The following ANKIB1 variants were observed in gnomAD, a reference collection of about 807,000 sequenced individuals.
ANKIB1 encodes the protein ankyrin repeat and IBR domain containing 1.
A neutral mutation model predicts 122.1 loss-of-function variants in ANKIB1; 43 were observed. The ratio of observed to expected loss-of-function variants is 0.35; its 90% CI spans 0.28 to 0.45. The LOEUF (loss-of-function observed/expected upper bound fraction) is 0.45. ANKIB1 is among the 20% of genes least tolerant of loss of function. ANKIB1 has a pLI of 1.00. For missense variants in ANKIB1, 992 were observed against 1,329.5 expected, an observed-to-expected ratio of 0.75 and a Z score of 3.95; for synonymous variants, 390 against 442.0, an observed-to-expected ratio of 0.88 and a Z score of 1.48.
rs376390603 is a variant in ANKIB1 at position 92,314,372 on chromosome 7, T to C, written c.487-4958T>C. 2.6e-5 allele frequency among the ~76,000 whole-genome samples: 4 copies of C among 152,170 alleles called. 1 individual carries two copies. ...AGCAAATATGATGAGATTAGCCTGA[T>C]GGTTGTAATGTACAATAGATTTGAA... On this transcript the variant is annotated intron_variant, in intron 3 of 19. Coordinates refer to ENST00000265742, the MANE Select transcript of ANKIB1 (RefSeq NM_019004.2).
chr7:92,367,766 A>AT (rs368174840), intron 10 of ANKIB1, among the ~76,000 whole-genome samples: 10 of 152,354 alleles, frequency 6.6e-5, no homozygotes, highest in African/African-American at 2.4e-4. Flanking sequence ...GAATGGTTAT[A>AT]TTTTTTATGA....
At chr7:92,371,363 T>C (rs1160167556) in intron 10 of ANKIB1, 114 bp from the exon 11 acceptor site, 1 of 878,262 alleles carries the variant, frequency 1.1e-6, no homozygotes, top group East Asian at 2.7e-5. Context: ...AGAAAATAAA[T>C]ATTTTATTAA....
chr7:92,394,323 G>A (rs1804843494), intron 17 of ANKIB1, among the ~76,000 whole-genome samples: 1 of 152,030 alleles, frequency 6.6e-6, no homozygotes, highest in Admixed American at 6.6e-5. Flanking sequence ...CAAACCATTT[G>A]GAGTATACTG....
chr7:92,319,518 T>C lies in ANKIB1; in HGVS notation c.669+6T>C. 6.3e-7 allele frequency: 1 copy of C among 1,590,452 alleles called. No homozygotes were observed. Among genetic ancestry groups the C allele is most frequent in the Non-Finnish European group, 8.5e-7 (1 of 1,174,346 alleles). On this transcript the variant is annotated splice_donor_region_variant and intron_variant, in intron 4 of 19. Coordinates refer to ENST00000265742, the MANE Select transcript of ANKIB1 (RefSeq NM_019004.2). ...CTGCATTAGACAAACGAGAGGTCAG[T>C]TTATTTTTTCTTCTCAGTAAAAAAA... is the stretch of plus-strand genomic sequence containing the variant.
chr7:92,326,809 TA>T (rs900425512), intron 4 of ANKIB1, among the ~76,000 whole-genome samples: 144 of 146,354 alleles, frequency 9.8e-4, no homozygotes, highest in African/African-American at 1.4e-3. Context: ...AACTTTCCTT[TA>T]AAAAAAAAAA....
At chr7:92,393,326 A>C (rs201112442) in intron 17 of ANKIB1, among the ~76,000 whole-genome samples, 1 of 152,070 alleles carries the variant, frequency 6.6e-6, no homozygotes, top group African/African-American at 2.4e-5. Flanking sequence ...TTTTAAATTC[A>C]CTTAAATTGT....
chr7:92,256,211 G>A (rs1801442005), intron 1 of ANKIB1, among the ~76,000 whole-genome samples: 1 of 152,170 alleles, frequency 6.6e-6, no homozygotes, highest in Admixed American at 6.5e-5. Flanking sequence ...AGTGGGCAGG[G>A]CTGAGTTATA....
At chr7:92,309,934 A>ATATATATATATATATATATATATAT in intron 3 of ANKIB1, among the ~76,000 whole-genome samples, 2 of 115,650 alleles carry the variant, frequency 1.7e-5, no homozygotes, top group African/African-American at 7.4e-5. Flanking sequence ...AAAAAAAAAA[A>ATATATATATATATATATATATATAT]AAAAAAAAAT....
At chr7:92,343,462 C>T (rs1472906908) in intron 6 of ANKIB1, among the ~76,000 whole-genome samples, 1 of 152,054 alleles carries the variant, frequency 6.6e-6, no homozygotes, top group African/African-American at 2.4e-5. Context: ...TTCCTCATTT[C>T]CAAACAGAGA....
chr7:92,324,509 C>T (rs1437366944), intron 4 of ANKIB1, among the ~76,000 whole-genome samples: 1 of 152,346 alleles, frequency 6.6e-6, no homozygotes, highest in African/African-American at 2.4e-5. Context: ...GCTGGGATTA[C>T]AGGCGTGAGC....
chr7:92,389,891 GA>G (rs755423902), intron 14 of ANKIB1, 79 bp from the exon 15 acceptor site: 136 of 1,420,236 alleles, frequency 9.6e-5, no homozygotes, highest in South Asian at 1.3e-4. Context: ...CCTTTTTTGA[GA>G]AAAAAAATCA....
chr7:92,308,580 C>G (rs1802616000), intron 3 of ANKIB1, among the ~76,000 whole-genome samples: 1 of 152,012 alleles, frequency 6.6e-6, no homozygotes, highest in Non-Finnish European at 1.5e-5. Flanking sequence ...TGAATACATA[C>G]TGTATTATAC....
intron 10 of ANKIB1, among the ~76,000 whole-genome samples, chr7:92,369,020 A>T (rs537572241): frequency 1.3e-5 from 2 of 152,332 alleles, no homozygotes; most frequent in East Asian, 1.9e-4. Context: ...AGTGCCTCTG[A>T]GCTAACAATA....
Position 92,387,977 on chromosome 7 carries a change from A to G in ANKIB1, c.1842A>G (p.Leu614=). The G allele has an allele frequency of 6.3e-7, 1 of 1,587,508 alleles. No homozygotes were observed. The highest frequency in any genetic ancestry group is 2.3e-5 in the East Asian group (1 of 43,806). Residue 614 remains leucine, a splice_region_variant and synonymous_variant, in exon 14 of 20, where the codon CTA becomes CTG. Transcript: ENST00000265742. ...ATTCTTTATTTCTATTCCTTTAGCT[A>G]GAACAACGCCTTCTTAAAACAGCCA... ...RFKNHEHSYQ[L]EQRLLKTAKE...
At chr7:92,388,272 AT>A (rs1804710199) in intron 14 of ANKIB1, among the ~76,000 whole-genome samples, 1 of 152,200 alleles carries the variant, frequency 6.6e-6, no homozygotes, top group African/African-American at 2.4e-5. Flanking sequence ...GTGTTATGAG[AT>A]AAAAACACTT....
chr7:92,366,903 C>T (rs1562794271), intron 10 of ANKIB1, among the ~76,000 whole-genome samples: 1 of 152,084 alleles, frequency 6.6e-6, no homozygotes, highest in Non-Finnish European at 1.5e-5. Flanking sequence ...TTATCCCTTA[C>T]CATATTAAAA....
At chr7:92,388,256 C>A (rs748438147) in intron 14 of ANKIB1, among the ~76,000 whole-genome samples, 1 of 152,120 alleles carries the variant, frequency 6.6e-6, no homozygotes, top group East Asian at 1.9e-4. Flanking sequence ...CTTGATGCAG[C>A]CTGTGGTGTT....
At chr7:92,246,883 A>G (rs1452055807) in intron 1 of ANKIB1, among the ~76,000 whole-genome samples, 2 of 152,080 alleles carry the variant, frequency 1.3e-5, no homozygotes, top group Non-Finnish European at 2.9e-5. Flanking sequence ...CTCGGGGGCT[A>G]GAGAGAGTCT....
intron 14 of ANKIB1, 132 bp downstream of exon 14, chr7:92,388,173 T>G (rs1209498195): frequency 3.4e-6 from 3 of 880,418 alleles, no homozygotes; most frequent in Non-Finnish European, 3.5e-6. Context: ...TTGAGTTCTT[T>G]GAAGCCCTGA....
Sources: allele counts gnomAD v4.1 joint callset (sites outside exome capture counted in the v4.1 genomes callset), GRCh38; gene constraint gnomAD v4.1.1; transcripts MANE v1.5; gene names NCBI Gene and HGNC (gene_info 2026-07-23, HGNC 2026-07-21).